Variants in TCERG1L observed in about 807,000 individuals in gnomAD.
TCERG1L encodes the protein transcription elongation regulator 1 like, also known as transcription elongation regulator 1-like protein.
TCERG1L carries 37 observed loss-of-function variants against 56.3 expected under a neutral mutation model. The ratio of observed to expected loss-of-function variants is 0.66; its 90% CI spans 0.51 to 0.87. The LOEUF (loss-of-function observed/expected upper bound fraction) is 0.87. Among genes scored for constraint, TCERG1L ranks in the 40% least tolerant of loss-of-function variants. The pLI, the probability that TCERG1L is intolerant of heterozygous loss-of-function variation, is 0.00. For missense variants in TCERG1L, 799 were observed against 774.2 expected, an observed-to-expected ratio of 1.03 and a Z score of -0.38; for synonymous variants, 324 against 326.3, an observed-to-expected ratio of 0.99 and a Z score of 0.08.
chr10:131,285,417 G>GGAA (rs1846513060), intron 3 of TCERG1L, among the ~76,000 whole-genome samples: 2 of 98,764 alleles, frequency 2.0e-5, no homozygotes, highest in African/African-American at 6.9e-5. Context: ...GAAGGAAAGA[G>GGAA]AGAGAGAGAG....
chr10:131,167,836 GTCTA>G (rs1283752842), intron 4 of TCERG1L, among the ~76,000 whole-genome samples: 4 of 152,222 alleles, frequency 2.6e-5, no homozygotes, highest in Admixed American at 2.0e-4. Flanking sequence ...CTCCAAAAAT[GTCTA>G]TCTAACTCTC....
At chr10:131,297,555 G>A (rs142311114) in intron 3 of TCERG1L, among the ~76,000 whole-genome samples, 1 of 152,098 alleles carries the variant, frequency 6.6e-6, no homozygotes, top group African/African-American at 2.4e-5. Context: ...ATAACCATTT[G>A]GTTTTTGTGT....
intron 6 of TCERG1L, among the ~76,000 whole-genome samples, chr10:131,158,491 A>T: frequency 6.6e-6 from 1 of 152,226 alleles, no homozygotes; most frequent in East Asian, 1.9e-4. Context: ...TTTGTTGCAC[A>T]TGTGTTGAGT....
chr10:131,204,608 G>C lies in TCERG1L; in HGVS notation c.857-37723C>G, dbSNP rs534359694. Reference sequence around the variant, plus strand: ...TGGGCTCCAGTGGGGCACGGAGCCAGCTCAGATCCAAAGGTGTGTGTCCTC... The same window carrying C: ...TGGGCTCCAGTGGGGCACGGAGCCACCTCAGATCCAAAGGTGTGTGTCCTC... On this transcript the variant is annotated intron_variant, in intron 4 of 11. Transcript: ENST00000368642. Among the ~76,000 whole-genome samples the C allele has an allele frequency of 6.6e-5, 10 of 152,348 alleles. No individual in the cohort carries two copies. In the East Asian group the frequency reaches 1.9e-3, roughly 29 times the overall value.
At chr10:131,123,278 T>A (rs1845531109) in intron 8 of TCERG1L, among the ~76,000 whole-genome samples, 2 of 152,126 alleles carry the variant, frequency 1.3e-5, no homozygotes, top group Admixed American at 6.5e-5. Context: ...TTGGGTGGTG[T>A]AATCAAAGAT....
In TCERG1L at chr10:131,092,927, C is replaced by A; in HGVS notation, c.*235G>T. On this transcript the variant is annotated 3_prime_UTR_variant, in exon 12 of 12. Transcript: ENST00000368642. Reference sequence around the variant, plus strand: ...TTACAAGTAATTTGCATAATTAAAACAATTAAGGGATCGACGTATCACGGT... The same window carrying A: ...TTACAAGTAATTTGCATAATTAAAAAAATTAAGGGATCGACGTATCACGGT... 1 of 446,290 alleles carries A rather than the reference C, an allele frequency of 2.2e-6. No homozygotes were observed. Among genetic ancestry groups the A allele is most frequent in the Non-Finnish European group, 4.0e-6 (1 of 252,566 alleles). 27.6% of individuals were successfully genotyped at this position (446,290 alleles called of 1,614,324 possible).
chr10:131,252,333 G>A (rs965697520), intron 4 of TCERG1L, among the ~76,000 whole-genome samples: 1 of 152,146 alleles, frequency 6.6e-6, no homozygotes, highest in Non-Finnish European at 1.5e-5. Context: ...CTACTCTGAA[G>A]CACCAATGTT....
chr10:131,117,482 G>A (rs1354298115), intron 8 of TCERG1L, among the ~76,000 whole-genome samples: 1 of 152,238 alleles, frequency 6.6e-6, no homozygotes, highest in African/African-American at 2.4e-5. Flanking sequence ...AAGGAGGCTG[G>A]GACCCCTCCT....
chr10:131,296,729 T>C (rs1846694522), intron 3 of TCERG1L, among the ~76,000 whole-genome samples: 1 of 152,252 alleles, frequency 6.6e-6, no homozygotes, highest in Admixed American at 6.5e-5. Context: ...CTTAACATTA[T>C]TGAGCCTTCC....
At chr10:131,216,828 G>A (rs970475329) in intron 4 of TCERG1L, among the ~76,000 whole-genome samples, 35 of 152,318 alleles carry the variant, frequency 2.3e-4, no homozygotes, top group African/African-American at 1.9e-4. Flanking sequence ...CCAGCTGTCC[G>A]CAGAGGGAAG....
At chr10:131,284,782 T>TA (rs1186885535) in intron 3 of TCERG1L, among the ~76,000 whole-genome samples, 1 of 152,046 alleles carries the variant, frequency 6.6e-6, no homozygotes, top group Non-Finnish European at 1.5e-5. Flanking sequence ...TTTGCAAACT[T>TA]AGATGCAAGT....
chr10:131,300,492 T>A (rs1846749791), intron 3 of TCERG1L, among the ~76,000 whole-genome samples: 1 of 152,192 alleles, frequency 6.6e-6, no homozygotes, highest in Non-Finnish European at 1.5e-5. Flanking sequence ...CTGTATCACA[T>A]CTATGCAGGA....
chr10:131,253,648 C>T (rs547407796), intron 4 of TCERG1L, among the ~76,000 whole-genome samples: 2 of 152,176 alleles, frequency 1.3e-5, no homozygotes, highest in South Asian at 2.1e-4. Flanking sequence ...GGTGGGTGTG[C>T]GATGAAGGTC....
chr10:131,172,795 A>G (rs998457699), intron 4 of TCERG1L, among the ~76,000 whole-genome samples: 5 of 152,062 alleles, frequency 3.3e-5, no homozygotes, highest in Non-Finnish European at 7.4e-5. Context: ...GTCACAATCT[A>G]GTGACCCCAT....
intron 4 of TCERG1L, among the ~76,000 whole-genome samples, chr10:131,189,803 A>G (rs1262573487): frequency 6.6e-6 from 1 of 152,196 alleles, no homozygotes; most frequent in Non-Finnish European, 1.5e-5. Context: ...CCAACAGCAT[A>G]CAAGAGTTCC....
intron 4 of TCERG1L, among the ~76,000 whole-genome samples, chr10:131,188,597 C>A (rs1245730016): frequency 1.3e-5 from 2 of 152,168 alleles, no homozygotes; most frequent in Admixed American, 1.3e-4. Flanking sequence ...TAATTCAGGA[C>A]AATTATTATG....
intron 4 of TCERG1L, among the ~76,000 whole-genome samples, chr10:131,227,052 G>A (rs2133504180): frequency 6.6e-6 from 1 of 152,356 alleles, no homozygotes; most frequent in African/African-American, 2.4e-5. Flanking sequence ...CAGCAAGGCT[G>A]AAAATCGGTT....
chr10:131,207,671 C>A (rs1845555682), intron 4 of TCERG1L, among the ~76,000 whole-genome samples: 1 of 152,180 alleles, frequency 6.6e-6, no homozygotes, highest in African/African-American at 2.4e-5. Flanking sequence ...GATGTGTCCG[C>A]TTCCTGTGAG....
chr10:131,269,802 T>C (rs904375832), intron 3 of TCERG1L, among the ~76,000 whole-genome samples: 3 of 152,140 alleles, frequency 2.0e-5, no homozygotes, highest in Non-Finnish European at 4.4e-5. Flanking sequence ...CACAGACTTG[T>C]TCCCACCTGG....
Sources: gnomAD v4.1 joint callset for allele counts (sites outside exome capture counted in the v4.1 genomes callset) on GRCh38, gnomAD v4.1.1 for gene constraint, MANE v1.5 for transcripts, NCBI Gene and HGNC (gene_info 2026-07-23, HGNC 2026-07-21) for gene names.